IGF2R: variants seen among roughly 807,000 people sequenced by gnomAD.
IGF2R encodes the protein cation-independent mannose-6-phosphate receptor.
A neutral mutation model predicts 270.6 loss-of-function variants in IGF2R; 91 were observed. That is an observed-to-expected ratio of 0.34 (90% CI 0.28 to 0.40). The LOEUF (loss-of-function observed/expected upper bound fraction) is 0.40. Ranked by LOEUF, IGF2R falls within the 10% of genes least tolerant of loss-of-function variation. The pLI is 1.00. For synonymous variants in IGF2R, 1,316 were observed against 1,258.9 expected, an observed-to-expected ratio of 1.05 and a Z score of -0.96; for missense variants, 2,805 against 3,188.3, an observed-to-expected ratio of 0.88 and a Z score of 2.90.
chr6:159,995,189 G>T (rs1784033435), intron 2 of IGF2R, among the ~76,000 whole-genome samples: 1 of 151,452 alleles, frequency 6.6e-6, no homozygotes, highest in Non-Finnish European at 1.5e-5. Flanking sequence ...TTATTTAATG[G>T]TCTTTTTTTT....
intron 45 of IGF2R, 144 bp downstream of exon 45, chr6:160,096,769 C>A (rs2114738098): frequency 5.6e-6 from 4 of 716,416 alleles, no homozygotes; most frequent in Non-Finnish European, 8.8e-6. Context: ...AAGCGGACCC[C>A]ACATAGTCAG....
intron 44 of IGF2R, among the ~76,000 whole-genome samples, chr6:160,092,545 A>C (rs1475193238): frequency 6.6e-6 from 1 of 152,204 alleles, no homozygotes; most frequent in African/African-American, 2.4e-5. Context: ...AAGTAGCTTT[A>C]GTTTTAAGAC....
At chr6:160,065,408 G>T (rs1189092120) in intron 29 of IGF2R, among the ~76,000 whole-genome samples, 1 of 152,124 alleles carries the variant, frequency 6.6e-6, no homozygotes, top group Non-Finnish European at 1.5e-5. Context: ...CTTTCCTGGG[G>T]GAAAGTGCAG....
At position 160,079,583 on chromosome 6, in the gene IGF2R, A is replaced by G. The variant is rs1387966658; in HGVS notation, c.5482A>G (p.Thr1828Ala). The part of the protein sequence containing the change: ...SSLSTSTFKV[T>A]RDSRTYSVGV... The stretch of plus-strand genomic sequence containing the variant: ...GCCACGCATGGTTTTTGTCCAGGTG[A>G]CTCGCGACTCGCGCACCTACAGCGT... The change falls in exon 38 of 48, where the codon ACT becomes GCT. Residue 1828 changes from threonine to alanine, a missense_variant. Thr to Ala is a moderately conservative substitution (Grantham distance 58). Transcript: ENST00000356956. 3 of 1,428,264 alleles carry G rather than the reference A, an allele frequency of 2.1e-6. No individual in the cohort carries two copies. The highest frequency in any genetic ancestry group is 2.8e-6 in the Non-Finnish European group (3 of 1,084,842). 88.5% of individuals were successfully genotyped at this position (1,428,264 alleles called of 1,614,324 possible).
At chr6:160,065,814 G>GTGTATA in intron 29 of IGF2R, among the ~76,000 whole-genome samples, 73 of 78,356 alleles carry the variant, frequency 9.3e-4, no homozygotes, top group African/African-American at 1.9e-3. Flanking sequence ...GTGTGTGTGT[G>GTGTATA]TATATATATA....
intron 1 of IGF2R, among the ~76,000 whole-genome samples, chr6:159,975,684 T>TTTTTTA (rs372803317): frequency 7.8e-5 from 11 of 141,730 alleles, no homozygotes; most frequent in African/African-American, 2.9e-4. Context: ...TTATATATAT[T>TTTTTTA]TATATATATA....
intron 29 of IGF2R, among the ~76,000 whole-genome samples, chr6:160,067,491 G>T (rs1215966262): frequency 6.6e-6 from 1 of 151,912 alleles, no homozygotes; most frequent in African/African-American, 2.4e-5. Context: ...GGTAATTTTG[G>T]TAAACTTTGT....
At chr6:159,976,432 C>T (rs1197893549) in intron 1 of IGF2R, among the ~76,000 whole-genome samples, 1 of 151,990 alleles carries the variant, frequency 6.6e-6, no homozygotes, top group East Asian at 1.9e-4. Flanking sequence ...TAAAGTCTTT[C>T]CAAAAGAACT....
intron 41 of IGF2R, among the ~76,000 whole-genome samples, chr6:160,087,481 A>G (rs887374097): frequency 6.6e-6 from 1 of 152,208 alleles, no homozygotes; most frequent in Non-Finnish European, 1.5e-5. Context: ...GCCACAAAGT[A>G]CGGGAGTAGG....
At chr6:160,026,412 G>C (rs1488678326) in intron 5 of IGF2R, among the ~76,000 whole-genome samples, 2 of 152,156 alleles carry the variant, frequency 1.3e-5, no homozygotes, top group East Asian at 3.9e-4. Flanking sequence ...CTCATTCGTG[G>C]GAGAAGGGTT....
chr6:159,970,071 G>T (rs1274899922), intron 1 of IGF2R, among the ~76,000 whole-genome samples: 1 of 152,098 alleles, frequency 6.6e-6, no homozygotes, highest in Non-Finnish European at 1.5e-5. Flanking sequence ...CTGCCTGGTT[G>T]CTCACATGAT....
At chr6:160,021,896 A>T (rs1445272827) in intron 4 of IGF2R, among the ~76,000 whole-genome samples, 1 of 152,232 alleles carries the variant, frequency 6.6e-6, no homozygotes, top group Non-Finnish European at 1.5e-5. Context: ...TACACAAAGT[A>T]AAAGAAATCT....
At position 160,108,111 on chromosome 6, in the gene IGF2R, C is replaced by A. The variant is rs567102644; in HGVS notation, c.*3027C>A. On this transcript the variant is annotated 3_prime_UTR_variant, in exon 48 of 48. Coordinates refer to ENST00000356956, the MANE Select transcript of IGF2R (RefSeq NM_000876.4). ...GACGAGACTGGATTTCTGGAAATATCCTTTACTGACTCTGAAGAATCCCAT... is the reference window on the plus strand; with the variant it reads ...GACGAGACTGGATTTCTGGAAATATACTTTACTGACTCTGAAGAATCCCAT... 3 of 152,374 alleles carry A rather than the reference C, an allele frequency of 2.0e-5. No individual in the cohort carries two copies. The highest frequency in any genetic ancestry group is 6.5e-5 in the Admixed American group (1 of 15,304). 9.4% of individuals were successfully genotyped at this position (152,374 alleles called of 1,614,324 possible).
chr6:159,999,808 A>G (rs1015882485), intron 2 of IGF2R, among the ~76,000 whole-genome samples: 1 of 152,236 alleles, frequency 6.6e-6, no homozygotes, highest in East Asian at 1.9e-4. Flanking sequence ...CAGCTCAGTT[A>G]AGATTTGAAA....
chr6:160,102,803 C>T lies in IGF2R; in HGVS notation c.6995+132C>T. On this transcript the variant is annotated intron_variant, in intron 46 of 47. Coordinates refer to ENST00000356956, the MANE Select transcript of IGF2R (RefSeq NM_000876.4). The surrounding 1 kb of genome is among the most constrained non-coding windows in gnomAD (Gnocchi z 4.5). ...CAGCGAAGGCTCGAGGTTCTTAGTC[C>T]AAAACTCTCTGGAAGCAGTCCCCAG... 1 of 1,073,630 alleles carries T rather than the reference C, an allele frequency of 9.3e-7. No homozygotes were observed. The highest frequency in any genetic ancestry group is 1.3e-6 in the Non-Finnish European group (1 of 761,432). 66.5% of individuals were successfully genotyped at this position (1,073,630 alleles called of 1,614,324 possible).
intron 1 of IGF2R, among the ~76,000 whole-genome samples, chr6:159,971,222 A>G (rs560056760): frequency 6.6e-6 from 1 of 152,340 alleles, no homozygotes; most frequent in South Asian, 2.1e-4. Context: ...ACTTTGGCTG[A>G]TTGATGGGAC....
chr6:160,049,707 A>C (rs1371454382), intron 18 of IGF2R, among the ~76,000 whole-genome samples: 1 of 152,226 alleles, frequency 6.6e-6, no homozygotes, highest in Non-Finnish European at 1.5e-5. Context: ...GCCTTAGGTG[A>C]GCCACTTAAC....
intron 7 of IGF2R, among the ~76,000 whole-genome samples, chr6:160,030,637 C>G (rs1777674168): frequency 6.7e-6 from 1 of 148,606 alleles, no homozygotes; most frequent in Admixed American, 6.9e-5. Context: ...GTGAGATGTT[C>G]TCAGGCGGTA....
At position 160,109,357 on chromosome 6, in the gene IGF2R, A is replaced by G. The variant is rs192525899; in HGVS notation, c.*4273A>G. ...GGAAGGAAGCAGGAAGTCAGGTTCA[A>G]GAAAGGACTTGTGACCTCACCCTTG... On this transcript the variant is annotated 3_prime_UTR_variant, in exon 48 of 48. Coordinates refer to ENST00000356956, the MANE Select transcript of IGF2R (RefSeq NM_000876.4). The G allele has an allele frequency of 6.6e-6, 1 of 152,392 alleles. No homozygotes were observed. 9.4% of individuals were successfully genotyped at this position (152,392 alleles called of 1,614,324 possible). A position where few individuals can be genotyped will look rare whatever the true frequency, so the allele number is the denominator to read the frequency against.
Sources: allele counts gnomAD v4.1 joint callset (sites outside exome capture counted in the v4.1 genomes callset), GRCh38; gene constraint gnomAD v4.1.1; non-coding constraint Gnocchi (gnomAD v3.1); transcripts MANE v1.5; gene names NCBI Gene and HGNC (gene_info 2026-07-23, HGNC 2026-07-21).